XXYLT1: variants seen among roughly 807,000 people sequenced by gnomAD.
XXYLT1 encodes UDP-xylose:alpha-xyloside alpha-1,3-xylosyltransferase.
XXYLT1 carries 20 observed loss-of-function variants against 28.9 expected under a neutral mutation model. The ratio of observed to expected loss-of-function variants is 0.69; its 90% CI spans 0.49 to 1.00. The LOEUF (loss-of-function observed/expected upper bound fraction) is 1.00. Among genes scored for constraint, XXYLT1 ranks in the 50% least tolerant of loss-of-function variants. The probability of loss-of-function intolerance (pLI) is 0.00; values close to 1 mark genes in which losing one functional copy is unlikely to be tolerated. For missense variants in XXYLT1, 542 were observed against 560.1 expected (o/e 0.97, Z 0.33); for synonymous variants, 257 against 253.8 (o/e 1.01, Z -0.12).
At position 195,097,824 on chromosome 3, in the gene XXYLT1, C is replaced by A. The variant is rs553656403; in HGVS notation, c.786-27713G>T. On this transcript the variant is annotated intron_variant, in intron 3 of 3. Transcript: ENST00000310380. ...CCTCACACAAATGCCCCCACCCCCC[C>A]ACCACGCACACACAAAGAAGTCAGG... 1.7e-3 allele frequency among the ~76,000 whole-genome samples: 261 copies of A among 152,264 alleles called. 4 individuals are homozygous for A. The South Asian group carries it at 0.03, about 18-fold the overall frequency.
chr3:195,258,540 G>A (rs890753526), intron 1 of XXYLT1, among the ~76,000 whole-genome samples: 6 of 151,628 alleles, frequency 4.0e-5, no homozygotes, highest in African/African-American at 1.5e-4. Flanking sequence ...GTTCATAGAG[G>A]CGACTCTGTC....
chr3:195,107,830 C>T (rs1302243856), intron 3 of XXYLT1, among the ~76,000 whole-genome samples: 1 of 151,954 alleles, frequency 6.6e-6, no homozygotes, highest in African/African-American at 2.4e-5. Flanking sequence ...GACACCACCT[C>T]CTTTCTTAAA....
chr3:195,098,673 G>A (rs930183613), intron 3 of XXYLT1, among the ~76,000 whole-genome samples: 2 of 152,270 alleles, frequency 1.3e-5, no homozygotes, highest in Non-Finnish European at 1.5e-5. Flanking sequence ...AAGGTCTCGG[G>A]AGCCCTCCTC....
At chr3:195,194,456 G>A (rs1363184964) in intron 2 of XXYLT1, among the ~76,000 whole-genome samples, 1 of 152,108 alleles carries the variant, frequency 6.6e-6, no homozygotes, top group Non-Finnish European at 1.5e-5. Context: ...GAGCCCTCAT[G>A]CCTCCCAGAA....
intron 3 of XXYLT1, among the ~76,000 whole-genome samples, chr3:195,100,171 C>G (rs1161838971): frequency 1.3e-5 from 2 of 152,194 alleles, no homozygotes; most frequent in Non-Finnish European, 2.9e-5. Flanking sequence ...CTTCATGCGA[C>G]AGGCAAGGAG....
At chr3:195,128,034 A>G (rs1365056783) in intron 3 of XXYLT1, among the ~76,000 whole-genome samples, 3 of 152,156 alleles carry the variant, frequency 2.0e-5, no homozygotes, top group African/African-American at 7.2e-5. Context: ...GGCAAGTGAA[A>G]GAGCCTGGCA....
At chr3:195,169,763 T>C (rs963934669) in intron 2 of XXYLT1, among the ~76,000 whole-genome samples, 1 of 151,994 alleles carries the variant, frequency 6.6e-6, no homozygotes, top group East Asian at 1.9e-4. Context: ...CAGGGATAAA[T>C]ATTTGAAATT....
intron 3 of XXYLT1, among the ~76,000 whole-genome samples, chr3:195,112,428 G>GCA (rs375678793): frequency 8.8e-6 from 1 of 113,694 alleles, no homozygotes; most frequent in Non-Finnish European, 2.1e-5. Context: ...ACACACACAT[G>GCA]CACACACACG....
At chr3:195,258,128 G>A (rs982386225) in intron 1 of XXYLT1, among the ~76,000 whole-genome samples, 4 of 152,154 alleles carry the variant, frequency 2.6e-5, no homozygotes, top group Non-Finnish European at 4.4e-5. Context: ...CCACCTGAGC[G>A]GTCACACAGA....
chr3:195,088,604 TA>T (rs1715943504), intron 3 of XXYLT1, among the ~76,000 whole-genome samples: 1 of 118,824 alleles, frequency 8.4e-6, no homozygotes, highest in Non-Finnish European at 1.8e-5. Context: ...CTGGAAACTC[TA>T]AAAAGCAGAG....
In XXYLT1 at chr3:195,250,392, G is replaced by A. The variant is rs142379637; in HGVS notation, c.504+20163C>T. On this transcript the variant is annotated intron_variant, in intron 1 of 3. Coordinates refer to ENST00000310380, the MANE Select transcript of XXYLT1 (RefSeq NM_152531.5). ...AGCCTGGCCAACGTGGTGAAACCCC[G>A]TCTCTACTAAAAAATACAAAAATTA... Among the ~76,000 whole-genome samples, 984 of 152,128 alleles carry A rather than the reference G, an allele frequency of 6.5e-3. 10 individuals carry two copies. The highest frequency in any genetic ancestry group is 0.012 in the Admixed American group (177 of 15,282).
At chr3:195,181,467 A>G (rs76648290) in intron 2 of XXYLT1, among the ~76,000 whole-genome samples, 7,176 of 152,272 alleles carry the variant, frequency 0.047, 595 homozygotes, top group African/African-American at 0.16. Context: ...GAGGGCTGTG[A>G]CAGGGGACTG....
chr3:195,204,654 T>C (rs983440327), intron 2 of XXYLT1, among the ~76,000 whole-genome samples: 1 of 152,056 alleles, frequency 6.6e-6, no homozygotes, highest in Admixed American at 6.5e-5. Flanking sequence ...TCTTCATGGG[T>C]TGCTCAGGCA....
Position 195,258,030 on chromosome 3 carries a change from G to C in XXYLT1, c.504+12525C>G, listed in dbSNP as rs1157628476. On this transcript the variant is annotated intron_variant, in intron 1 of 3. Coordinates refer to ENST00000310380, the MANE Select transcript of XXYLT1 (RefSeq NM_152531.5). ...CAAAGCCTGCACTATGCCTGATCTT[G>C]TGCAGGTTTTTCAGACTGACAAATC... 2.6e-5 allele frequency among the ~76,000 whole-genome samples: 4 copies of C among 152,184 alleles called. 1 individual carries two copies. The highest frequency in any genetic ancestry group is 9.7e-5 in the African/African-American group (4 of 41,448).
At chr3:195,107,727 C>T (rs752114301) in intron 3 of XXYLT1, among the ~76,000 whole-genome samples, 1 of 150,538 alleles carries the variant, frequency 6.6e-6, no homozygotes. Flanking sequence ...CAGTATTCTC[C>T]GCACTGTGAC....
At chr3:195,246,368 C>A (rs73069024) in intron 1 of XXYLT1, among the ~76,000 whole-genome samples, 1 of 152,276 alleles carries the variant, frequency 6.6e-6, no homozygotes, top group African/African-American at 2.4e-5. Context: ...TTCCTCACCT[C>A]CAATGGCAAG....
intron 1 of XXYLT1, among the ~76,000 whole-genome samples, chr3:195,231,446 T>C (rs995553124): frequency 6.6e-5 from 10 of 152,214 alleles, no homozygotes; most frequent in African/African-American, 2.4e-4. Flanking sequence ...ATAGTGGGCA[T>C]CCTTGTTATT....
At chr3:195,131,277 A>G (rs1577062109) in intron 3 of XXYLT1, among the ~76,000 whole-genome samples, 2 of 152,316 alleles carry the variant, frequency 1.3e-5, no homozygotes, top group African/African-American at 4.8e-5. Context: ...AAACACACAC[A>G]GTCTTCTTTG....
At chr3:195,070,540 T>C (rs561369312) in intron 3 of XXYLT1, among the ~76,000 whole-genome samples, 1 of 152,272 alleles carries the variant, frequency 6.6e-6, no homozygotes, top group East Asian at 1.9e-4. Context: ...CCAGACAATC[T>C]GGCTCCAAAG....
Sources: allele counts gnomAD v4.1 joint callset (sites outside exome capture counted in the v4.1 genomes callset), GRCh38; gene constraint gnomAD v4.1.1; transcripts MANE v1.5; gene names NCBI Gene and HGNC (gene_info 2026-07-23, HGNC 2026-07-21).